Variants in SYT1 observed in about 807,000 individuals in gnomAD.
SYT1 encodes the protein synaptotagmin 1.
In SYT1, 8 loss-of-function variants were observed where a neutral mutation model predicts 44.8. The ratio of observed to expected loss-of-function variants is 0.18; its 90% CI spans 0.10 to 0.32. The LOEUF is 0.32. Ranked by LOEUF, SYT1 falls within the 10% of genes least tolerant of loss-of-function variation. The probability of loss-of-function intolerance (pLI) is 1.00; values close to 1 mark genes in which losing one functional copy is unlikely to be tolerated. For synonymous variants in SYT1, 154 were observed against 188.8 expected (o/e 0.82, Z 1.51); for missense variants, 286 against 509.3 (o/e 0.56, Z 4.22).
chr12:79,160,005 C>T (rs967818659), intron 3 of SYT1, among the ~76,000 whole-genome samples: 3 of 151,994 alleles, frequency 2.0e-5, no homozygotes, highest in African/African-American at 7.3e-5. Flanking sequence ...TGCAAAAATA[C>T]TTACTGAGTA....
At chr12:79,176,575 T>C (rs1448119339) in intron 3 of SYT1, among the ~76,000 whole-genome samples, 1 of 152,102 alleles carries the variant, frequency 6.6e-6, no homozygotes, top group Non-Finnish European at 1.5e-5. Context: ...CTCTACAACC[T>C]GCTTCGTACA....
intron 4 of SYT1, among the ~76,000 whole-genome samples, chr12:79,242,448 T>C (rs747563961): frequency 3.3e-5 from 5 of 152,184 alleles, no homozygotes; most frequent in Non-Finnish European, 5.9e-5. Context: ...CCCTGTGGGC[T>C]TGAAATGCTG....
chr12:78,958,080 C>T (rs1879301949), intron 1 of SYT1, among the ~76,000 whole-genome samples: 4 of 151,974 alleles, frequency 2.6e-5, no homozygotes, highest in Admixed American at 2.6e-4. Flanking sequence ...TTTGAGTGTA[C>T]TTTTCATCTT....
At chr12:79,120,962 TAC>T (rs35017834) in intron 3 of SYT1, among the ~76,000 whole-genome samples, 10 of 150,060 alleles carry the variant, frequency 6.7e-5, no homozygotes, top group South Asian at 4.2e-4. Context: ...TAGATATATA[TAC>T]ACACACACAT....
chr12:79,212,177 A>G (rs2138539542), intron 3 of SYT1, among the ~76,000 whole-genome samples: 1 of 152,296 alleles, frequency 6.6e-6, no homozygotes, highest in Middle Eastern at 3.4e-3. Context: ...AATACTATGC[A>G]GCTATAAAAA....
chr12:79,329,535 A>T (rs574788926), intron 8 of SYT1, among the ~76,000 whole-genome samples: 1 of 152,234 alleles, frequency 6.6e-6, no homozygotes, highest in Non-Finnish European at 1.5e-5. Flanking sequence ...ACTAGCATGC[A>T]TGTACACTTT....
intron 4 of SYT1, among the ~76,000 whole-genome samples, chr12:79,275,555 G>A (rs1185746025): frequency 6.6e-6 from 1 of 152,084 alleles, no homozygotes; most frequent in Admixed American, 6.5e-5. Context: ...CTGGGATGGG[G>A]GCATGATAGG....
chr12:79,252,975 G>A (rs1053311101), intron 4 of SYT1, among the ~76,000 whole-genome samples: 1 of 152,138 alleles, frequency 6.6e-6, no homozygotes, highest in Non-Finnish European at 1.5e-5. Context: ...ATACAATCAG[G>A]AAGTGGAATG....
chr12:78,897,279 A>AT, intron 1 of SYT1, among the ~76,000 whole-genome samples: 1 of 152,038 alleles, frequency 6.6e-6, no homozygotes, highest in Admixed American at 6.6e-5. Flanking sequence ...ACTTTTAATG[A>AT]TTTTTGAGCA....
chr12:78,895,254 T>C (rs1036835744), intron 1 of SYT1, among the ~76,000 whole-genome samples: 2 of 151,740 alleles, frequency 1.3e-5, no homozygotes, highest in African/African-American at 4.8e-5. Flanking sequence ...AAAAGTGTTT[T>C]TTCATAAAAC....
intron 4 of SYT1, among the ~76,000 whole-genome samples, chr12:79,238,010 A>AGAC (rs1272229337): frequency 3.3e-5 from 5 of 152,338 alleles, no homozygotes; most frequent in Middle Eastern, 3.4e-3. Context: ...GATAACCTCT[A>AGAC]GACTGTGCCT....
At chr12:79,323,783 G>C (rs1247194918) in intron 8 of SYT1, among the ~76,000 whole-genome samples, 1 of 151,266 alleles carries the variant, frequency 6.6e-6, no homozygotes, top group Non-Finnish European at 1.5e-5. Context: ...GTTTTAGTAT[G>C]TTAAATAGAA....
chr12:79,393,242 G>A (rs1469303271), intron 9 of SYT1: 2 of 152,102 alleles, frequency 1.3e-5, no homozygotes, highest in African/African-American at 4.8e-5. Context: ...CTTTGCTATG[G>A]TGAATAGTGC....
intron 4 of SYT1, among the ~76,000 whole-genome samples, chr12:79,230,194 T>G (rs901636421): frequency 1.3e-5 from 2 of 152,230 alleles, no homozygotes; most frequent in African/African-American, 2.4e-5. Flanking sequence ...GGCTCTCATA[T>G]ATGAATACAT....
At position 79,265,720 on chromosome 12, in the gene SYT1, C is replaced by T. The variant is rs1878088352; in HGVS notation, c.167-20067C>T. Among the ~76,000 whole-genome samples the T allele has an allele frequency of 2.6e-5, 4 of 152,060 alleles. 1 individual carries two copies. Among genetic ancestry groups the T allele is most frequent in the Admixed American group, 2.6e-4 (4 of 15,262 alleles). ...AATGTTAGCTACTTTAGCTATTCTA[C>T]AATATGGTGTTTAGGATCAAACCAG... is the stretch of plus-strand genomic sequence containing the variant. On this transcript the variant is annotated intron_variant, in intron 4 of 10. Transcript: ENST00000261205.
At chr12:79,075,980 C>G (rs573705522) in intron 3 of SYT1, among the ~76,000 whole-genome samples, 3 of 152,090 alleles carry the variant, frequency 2.0e-5, no homozygotes, top group African/African-American at 7.2e-5. Context: ...TAACAAAAGT[C>G]ATTAACAAGA....
intron 9 of SYT1, among the ~76,000 whole-genome samples, chr12:79,401,783 C>T (rs987352159): frequency 2.0e-5 from 3 of 151,780 alleles, no homozygotes; most frequent in African/African-American, 7.3e-5. Flanking sequence ...GATCCTCCTG[C>T]CTCAGCTTCC....
In SYT1 at chr12:79,292,036, G is replaced by T; in HGVS notation, c.380G>T (p.Gly127Val). 1 of 1,613,952 alleles carries T rather than the reference G, an allele frequency of 6.2e-7. No homozygotes were observed. Among genetic ancestry groups the T allele is most frequent in the Non-Finnish European group, 8.5e-7 (1 of 1,179,986 alleles). ...CTCAAGGATGATGATGCTGAAACTG[G>T]ATTGACAGATGGAGAAGAAAAAGAA... ...QALKDDDAET[G>V]LTDGEEKEEP... Residue 127 changes from glycine (G) to valine (V), a missense_variant, in exon 6 of 11, where the codon GGA becomes GTA. By Grantham distance (109) the Gly-to-Val change is moderately radical. Transcript: ENST00000261205.
At chr12:79,262,418 G>A (rs1254671855) in intron 4 of SYT1, among the ~76,000 whole-genome samples, 1 of 151,500 alleles carries the variant, frequency 6.6e-6, no homozygotes, top group Non-Finnish European at 1.5e-5. Flanking sequence ...GATTGGTGTG[G>A]ACTGAGATGA....
Sources: gnomAD v4.1 joint callset for allele counts (sites outside exome capture counted in the v4.1 genomes callset) on GRCh38, gnomAD v4.1.1 for gene constraint, MANE v1.5 for transcripts, NCBI Gene and HGNC (gene_info 2026-07-23, HGNC 2026-07-21) for gene names.